Variants in SLBP observed in about 807,000 individuals in gnomAD.
SLBP encodes the protein histone RNA hairpin-binding protein.
In SLBP, 29 loss-of-function variants were observed where a neutral mutation model predicts 39.2. That is an observed-to-expected ratio of 0.74 (90% CI 0.55 to 1.01). The LOEUF is 1.01. Ranked by LOEUF, SLBP falls within the 50% of genes least tolerant of loss-of-function variation. SLBP has a pLI of 0.00. For synonymous variants in SLBP, 129 were observed against 118.7 expected (o/e 1.09, Z -0.57); for missense variants, 390 against 350.2 (o/e 1.11, Z -0.91).
chr4:1,711,902 GCT>G lies in SLBP; in HGVS notation c.146_147del (p.Glu49AlafsTer15). On this transcript the variant is annotated frameshift_variant, in exon 2 of 8. Transcript: ENST00000489418. LOFTEE classifies it high-confidence loss of function. ...RWRPEDAEEA[E>X]HRGAERRPES... is the part of the protein sequence containing the mutation. ...TCGGGTCTGCGCTCGGCGCCGCGGT[GCT>G]CTGCCTCCTCGGCGTCTTCGGGCCT... The G allele has an allele frequency of 7.3e-7, 1 of 1,367,910 alleles. No homozygotes were observed. Among genetic ancestry groups the G allele is most frequent in the South Asian group, 1.6e-5 (1 of 61,624 alleles). 84.7% of individuals were successfully genotyped at this position (1,367,910 alleles called of 1,614,324 possible).
In SLBP at chr4:1,693,356, A is replaced by T. The variant is rs528364409; in HGVS notation, c.*241T>A. 2.4e-6 allele frequency: 1 copy of T among 411,318 alleles called. No individual in the cohort carries two copies. Among genetic ancestry groups the T allele is most frequent in the African/African-American group, 2.0e-5 (1 of 49,722 alleles). The allele number at this position is 411,318 out of a possible 1,614,324, so 25.5% of individuals were successfully genotyped here. A position where few individuals can be genotyped will look rare whatever the true frequency, so the allele number is the denominator to read the frequency against. ...GGGATTACGCAATTAAGCTCGCTGG[A>T]AGAGAGCTTCAAGTACTTTCTTGGA... is the stretch of plus-strand genomic sequence containing the variant. On this transcript the variant is annotated 3_prime_UTR_variant, in exon 8 of 8. Coordinates refer to ENST00000489418, the MANE Select transcript of SLBP (RefSeq NM_006527.4).
chr4:1,698,940 C>A (rs551108610), intron 5 of SLBP, among the ~76,000 whole-genome samples: 1 of 152,076 alleles, frequency 6.6e-6, no homozygotes, highest in Non-Finnish European at 1.5e-5. Flanking sequence ...CAGGTGCAAA[C>A]CACCACACCT....
intron 2 of SLBP, among the ~76,000 whole-genome samples, chr4:1,706,449 C>A (rs957296429): frequency 2.6e-5 from 4 of 152,212 alleles, no homozygotes; most frequent in Non-Finnish European, 5.9e-5. Flanking sequence ...ACCCCCTGTG[C>A]TTGAGTTAAA....
intron 2 of SLBP, among the ~76,000 whole-genome samples, chr4:1,711,591 G>A (rs1355867312): frequency 6.6e-6 from 1 of 152,236 alleles, no homozygotes; most frequent in Non-Finnish European, 1.5e-5. Flanking sequence ...GCTCGTCAGA[G>A]ACCCTGACCT....
At chr4:1,712,018 C>T (rs1274381684) in intron 1 of SLBP, 28 bp from the exon 2 acceptor site, 2 of 1,271,980 alleles carry the variant, frequency 1.6e-6, no homozygotes, top group Non-Finnish European at 9.9e-7. Flanking sequence ...GTCGGCTGGG[C>T]ACGGGAGGTT....
At chr4:1,704,572 C>T (rs1716448191) in intron 2 of SLBP, among the ~76,000 whole-genome samples, 1 of 152,142 alleles carries the variant, frequency 6.6e-6, no homozygotes, top group African/African-American at 2.4e-5. Context: ...ATCGCGGGCA[C>T]ATCTAGACAG....
chr4:1,705,945 A>G (rs1716499950), intron 2 of SLBP, among the ~76,000 whole-genome samples: 1 of 152,182 alleles, frequency 6.6e-6, no homozygotes, highest in African/African-American at 2.4e-5. Flanking sequence ...TGATCCTGGC[A>G]CTGCACTCCA....
At chr4:1,707,721 C>T (rs1014375744) in intron 2 of SLBP, among the ~76,000 whole-genome samples, 4 of 151,128 alleles carry the variant, frequency 2.6e-5, no homozygotes, top group Non-Finnish European at 4.4e-5. Flanking sequence ...CTGAGGCGGG[C>T]GGATCACAAG....
intron 3 of SLBP, 36 bp from the exon 4 acceptor site, chr4:1,700,106 G>T (rs759114397): frequency 2.7e-6 from 4 of 1,487,558 alleles, no homozygotes; most frequent in African/African-American, 2.8e-5. Flanking sequence ...TTTTAAAAAA[G>T]ATATAAAAAT....
intron 7 of SLBP, 30 bp from the exon 8 acceptor site, chr4:1,693,743 A>T: frequency 1.4e-6 from 2 of 1,440,424 alleles, no homozygotes; most frequent in Non-Finnish European, 2.0e-6. Flanking sequence ...CTCGGTTGAC[A>T]TTCATCTCAC....
chr4:1,708,152 T>C (rs1207690038), intron 2 of SLBP, among the ~76,000 whole-genome samples: 2 of 151,552 alleles, frequency 1.3e-5, no homozygotes, highest in Admixed American at 6.6e-5. Flanking sequence ...ACTTGGAGGC[T>C]GAAGCAGGAG....
intron 3 of SLBP, among the ~76,000 whole-genome samples, chr4:1,703,153 C>G (rs1293514795): frequency 6.6e-6 from 1 of 151,450 alleles, no homozygotes; most frequent in African/African-American, 2.4e-5. Context: ...AAGAGAATCG[C>G]TTGAACCCGG....
In SLBP at chr4:1,711,938, T is replaced by C; in HGVS notation, c.112A>G (p.Arg38Gly). 7.4e-7 allele frequency: 1 copy of C among 1,346,524 alleles called. No individual in the cohort carries two copies. Among genetic ancestry groups the C allele is most frequent in the Non-Finnish European group, 9.5e-7 (1 of 1,050,014 alleles). The allele number at this position is 1,346,524 out of a possible 1,614,324, so 83.4% of individuals were successfully genotyped here. Residue 38 changes from arginine (R) to glycine (G), a missense_variant, in exon 2 of 8, where the codon AGG becomes GGG. Coordinates refer to ENST00000489418, the MANE Select transcript of SLBP (RefSeq NM_006527.4). ...SLGRKRRADG[R>G]RWRPEDAEEA... ...TCGGCGTCTTCGGGCCTCCAGCGCCTGCCGTCGGCTCTGCGCTTCCGTCCC... is the reference window on the plus strand; with the variant it reads ...TCGGCGTCTTCGGGCCTCCAGCGCCCGCCGTCGGCTCTGCGCTTCCGTCCC...
chr4:1,698,789 T>TA (rs1716219409), intron 5 of SLBP, among the ~76,000 whole-genome samples: 2 of 141,522 alleles, frequency 1.4e-5, no homozygotes, highest in South Asian at 4.5e-4. Context: ...CAGCCAAAAG[T>TA]AAAATTTTTT....
At chr4:1,702,903 T>C (rs1006743254) in intron 3 of SLBP, among the ~76,000 whole-genome samples, 3 of 152,146 alleles carry the variant, frequency 2.0e-5, no homozygotes, top group African/African-American at 7.2e-5. Flanking sequence ...TGCTGGGTTG[T>C]GTGAGCACCG....
rs1266336892 is a variant in SLBP, at chr4:1,693,778, C to A, written c.697-65G>T. ...CCCTGAAAACAGGGGCCCCTTCCTA[C>A]ACCCCACTCCTTATGTGGTAAATCA... is the stretch of plus-strand genomic sequence containing the variant. On this transcript the variant is annotated intron_variant, in intron 7 of 7. Coordinates refer to ENST00000489418, the MANE Select transcript of SLBP (RefSeq NM_006527.4). 3.1e-5 allele frequency: 28 copies of A among 897,882 alleles called. No homozygotes were observed. The Admixed American group carries it at 4.8e-4, about 15-fold the overall frequency. The allele number at this position is 897,882 out of a possible 1,614,324, so 55.6% of individuals were successfully genotyped here. A position where few individuals can be genotyped will look rare whatever the true frequency, so the allele number is the denominator to read the frequency against.
At chr4:1,699,001 G>T (rs1716227458) in intron 5 of SLBP, among the ~76,000 whole-genome samples, 1 of 151,818 alleles carries the variant, frequency 6.6e-6, no homozygotes, top group Non-Finnish European at 1.5e-5. Context: ...TATTGCCCAG[G>T]CTAGTCTCCT....
At chr4:1,703,190 T>A (rs1472289572) in intron 3 of SLBP, among the ~76,000 whole-genome samples, 1 of 148,114 alleles carries the variant, frequency 6.8e-6, no homozygotes, top group African/African-American at 2.5e-5. Flanking sequence ...TGAGCCGAGA[T>A]CTTGTCACTG....
At chr4:1,711,769 G>A (rs1047518042) in intron 2 of SLBP, 105 bp downstream of exon 2, 3 of 541,496 alleles carry the variant, frequency 5.5e-6, no homozygotes, top group Non-Finnish European at 8.6e-6. Flanking sequence ...GACGCAGGGT[G>A]CCGACCTGAC....
Sources: allele counts gnomAD v4.1 joint callset (sites outside exome capture counted in the v4.1 genomes callset), GRCh38; gene constraint gnomAD v4.1.1; transcripts MANE v1.5; gene names NCBI Gene and HGNC (gene_info 2026-07-23, HGNC 2026-07-21).